TRIM44: variants seen among roughly 807,000 people sequenced by gnomAD.
The protein encoded by TRIM44 is tripartite motif-containing protein 44.
TRIM44 carries 13 observed loss-of-function variants against 37.4 expected under a neutral mutation model. The observed-to-expected ratio is 0.35, with a 90% CI of 0.23 to 0.55. TRIM44 has a LOEUF of 0.55. Ranked by LOEUF, TRIM44 falls within the 20% of genes least tolerant of loss-of-function variation. The pLI is 0.89. For missense variants in TRIM44, 426 were observed against 437.2 expected, an observed-to-expected ratio of 0.97 and a Z score of 0.23; for synonymous variants, 175 against 157.2, an observed-to-expected ratio of 1.11 and a Z score of -0.85.
rs954672370 is a variant in TRIM44 at position 35,811,420 on chromosome 11, T to C, written c.*5035T>C. On this transcript the variant is annotated 3_prime_UTR_variant, in exon 5 of 5. Transcript: ENST00000299413. The stretch of plus-strand genomic sequence containing the variant: ...TAGAAGGAAGGTAAAATTGTAATTT[T>C]TGCCATATTTTCTAGAAAAAAAAAT... 2.4e-4 allele frequency: 37 copies of C among 151,188 alleles called. No homozygotes were observed. Among genetic ancestry groups the C allele is most frequent in the African/African-American group, 9.2e-4 (37 of 40,430 alleles). The allele number at this position is 151,188 out of a possible 1,614,324, so 9.4% of individuals were successfully genotyped here.
At chr11:35,745,498 C>T (rs946495971) in intron 4 of TRIM44, among the ~76,000 whole-genome samples, 2 of 152,120 alleles carry the variant, frequency 1.3e-5, no homozygotes, top group Admixed American at 6.5e-5. Context: ...ACAGTAAGTC[C>T]TCACTTAACA....
intron 4 of TRIM44, among the ~76,000 whole-genome samples, chr11:35,779,203 C>A (rs67901770): frequency 6.6e-6 from 1 of 152,154 alleles, no homozygotes; most frequent in Non-Finnish European, 1.5e-5. Context: ...GCTGTGCTTG[C>A]TAGCAGTGAG....
intron 4 of TRIM44, among the ~76,000 whole-genome samples, chr11:35,796,399 CT>C (rs1853290580): frequency 6.6e-6 from 1 of 152,194 alleles, no homozygotes; most frequent in South Asian, 2.1e-4. Context: ...GATACAGCAG[CT>C]GAGGCAACAG....
intron 4 of TRIM44, among the ~76,000 whole-genome samples, chr11:35,768,890 G>A (rs1481046847): frequency 6.6e-6 from 1 of 152,092 alleles, no homozygotes; most frequent in Admixed American, 6.6e-5. Context: ...GCCAATTCTG[G>A]CCTAAAGATG....
At chr11:35,663,840 G>A (rs1412311589) in intron 1 of TRIM44, 60 bp downstream of exon 1, 1 of 1,533,846 alleles carries the variant, frequency 6.5e-7, no homozygotes, top group East Asian at 2.3e-5. Flanking sequence ...TTTCAACTCA[G>A]GTGGCCTGGC....
intron 2 of TRIM44, among the ~76,000 whole-genome samples, chr11:35,689,346 T>G (rs1481244474): frequency 2.0e-5 from 3 of 152,210 alleles, no homozygotes; most frequent in African/African-American, 7.2e-5. Context: ...GTTGCTGTGG[T>G]GAGCCCTGTT....
At chr11:35,791,952 ATTTAG>A in intron 4 of TRIM44, among the ~76,000 whole-genome samples, 1 of 152,254 alleles carries the variant, frequency 6.6e-6, no homozygotes, top group East Asian at 1.9e-4. Flanking sequence ...AAACAGTTGA[ATTTAG>A]TTGAGTACTC....
intron 1 of TRIM44, among the ~76,000 whole-genome samples, chr11:35,683,931 A>G (rs1851546789): frequency 6.6e-6 from 1 of 152,064 alleles, no homozygotes; most frequent in African/African-American, 2.4e-5. Flanking sequence ...ACTGTTTCAT[A>G]CTTCCTTTTT....
chr11:35,675,676 C>T (rs1490224945), intron 1 of TRIM44, among the ~76,000 whole-genome samples: 1 of 152,160 alleles, frequency 6.6e-6, no homozygotes, highest in African/African-American at 2.4e-5. Flanking sequence ...CGCCTGCCAC[C>T]CTGCCAAGCT....
At chr11:35,674,574 T>A (rs1049655949) in intron 1 of TRIM44, among the ~76,000 whole-genome samples, 1 of 152,200 alleles carries the variant, frequency 6.6e-6, no homozygotes, top group African/African-American at 2.4e-5. Context: ...TAATAATTGG[T>A]TTTTAACATC....
In TRIM44 at chr11:35,667,793, T is replaced by G. The variant is rs947423731; in HGVS notation, c.669+4013T>G. On this transcript the variant is annotated intron_variant, in intron 1 of 4. Coordinates refer to ENST00000299413, the MANE Select transcript of TRIM44 (RefSeq NM_017583.6). Reference sequence around the variant, plus strand: ...TATTTTATAATTAAAGCAGAAAGACTAGCATTTCTGGGATATCCTTGATCC... The same window carrying G: ...TATTTTATAATTAAAGCAGAAAGACGAGCATTTCTGGGATATCCTTGATCC... Among the ~76,000 whole-genome samples, 3 of 152,254 alleles carry G rather than the reference T, an allele frequency of 2.0e-5. No homozygotes were observed. The South Asian group carries it at 6.2e-4, about 32-fold the overall frequency.
intron 4 of TRIM44, among the ~76,000 whole-genome samples, chr11:35,788,877 C>G (rs1853163625): frequency 6.6e-6 from 1 of 152,192 alleles, no homozygotes; most frequent in Non-Finnish European, 1.5e-5. Context: ...TACAGCTGAA[C>G]ATAAACTAAG....
intron 4 of TRIM44, among the ~76,000 whole-genome samples, chr11:35,801,990 G>A (rs1469153881): frequency 3.9e-5 from 6 of 152,092 alleles, no homozygotes; most frequent in Admixed American, 3.9e-4. Flanking sequence ...CTGACATATT[G>A]TGTAGTTTAT....
At chr11:35,725,242 T>G (rs1412181766) in intron 2 of TRIM44, among the ~76,000 whole-genome samples, 2 of 152,186 alleles carry the variant, frequency 1.3e-5, no homozygotes, top group Non-Finnish European at 2.9e-5. Context: ...CTTAATTATC[T>G]ATATACATAT....
intron 4 of TRIM44, among the ~76,000 whole-genome samples, chr11:35,744,582 T>C (rs764643690): frequency 1.2e-4 from 18 of 152,160 alleles, no homozygotes; most frequent in Non-Finnish European, 1.8e-4. Flanking sequence ...GTGTTTAAGT[T>C]CAGGGGTACA....
intron 4 of TRIM44, among the ~76,000 whole-genome samples, chr11:35,799,917 G>A (rs974772813): frequency 2.0e-5 from 3 of 152,158 alleles, no homozygotes; most frequent in East Asian, 1.9e-4. Context: ...AGGCTAGAGC[G>A]AAGTCAAACT....
intron 4 of TRIM44, among the ~76,000 whole-genome samples, chr11:35,771,131 A>T (rs570855512): frequency 1.1e-4 from 16 of 152,184 alleles, no homozygotes; most frequent in Non-Finnish European, 1.5e-4. Flanking sequence ...ACAAGAAGAC[A>T]GGGAAATGTG....
intron 4 of TRIM44, among the ~76,000 whole-genome samples, chr11:35,764,260 C>A (rs1415836346): frequency 2.6e-5 from 4 of 152,186 alleles, no homozygotes; most frequent in African/African-American, 9.7e-5. Flanking sequence ...CTTTTGCTTT[C>A]TTTGATCACC....
intron 4 of TRIM44, among the ~76,000 whole-genome samples, chr11:35,804,852 C>T (rs1400068049): frequency 6.6e-6 from 1 of 152,232 alleles, no homozygotes; most frequent in African/African-American, 2.4e-5. Context: ...CTAGCATACA[C>T]TTAACTTGCA....
Sources: gnomAD v4.1 joint callset for allele counts (sites outside exome capture counted in the v4.1 genomes callset) on GRCh38, gnomAD v4.1.1 for gene constraint, MANE v1.5 for transcripts, NCBI Gene and HGNC (gene_info 2026-07-23, HGNC 2026-07-21) for gene names.